FSCN1: variants seen among roughly 807,000 people sequenced by gnomAD.
The protein encoded by FSCN1 is fascin actin-bundling protein 1, also known as fascin.
FSCN1 carries 10 observed loss-of-function variants against 39.7 expected under a neutral mutation model. That is an observed-to-expected ratio of 0.25 (90% CI 0.16 to 0.43). The LOEUF is 0.43. Ranked by LOEUF, FSCN1 falls within the 20% of genes least tolerant of loss-of-function variation. FSCN1 has a pLI of 1.00. For missense variants in FSCN1, 525 were observed against 723.8 expected (o/e 0.73, Z 3.15); for synonymous variants, 322 against 320.0 (o/e 1.01, Z -0.07).
chr7:5,597,375 A>T (rs949658467), intron 1 of FSCN1, among the ~76,000 whole-genome samples: 9 of 151,120 alleles, frequency 6.0e-5, no homozygotes, highest in South Asian at 2.1e-4. Flanking sequence ...TCTTAAAAAA[A>T]TTTTTTTTGG....
At chr7:5,601,338 G>T (rs1302978515) in intron 1 of FSCN1, among the ~76,000 whole-genome samples, 4 of 151,396 alleles carry the variant, frequency 2.6e-5, no homozygotes, top group Admixed American at 2.0e-4. Context: ...AAGTAGCTGG[G>T]ATTACAGGCA....
At chr7:5,596,376 C>G (rs1029348479) in intron 1 of FSCN1, among the ~76,000 whole-genome samples, 3 of 151,940 alleles carry the variant, frequency 2.0e-5, no homozygotes, top group African/African-American at 7.3e-5. Context: ...TCTTCAGCCT[C>G]AGTTTCCCCA....
In FSCN1 at chr7:5,606,330, G is replaced by C. The variant is rs1785932939; in HGVS notation, c.*856G>C. 1.3e-5 allele frequency: 2 copies of C among 152,182 alleles called. No homozygotes were observed. Among genetic ancestry groups the C allele is most frequent in the South Asian group, 4.2e-4 (2 of 4,816 alleles). The allele number at this position is 152,182 out of a possible 1,614,324, so 9.4% of individuals were successfully genotyped here. ...GGGCGTCTCAGCACCCTCCCCAGGGGGTGCATCTCAGCCCCCTCTTTCCGT... is the reference window on the plus strand; with the variant it reads ...GGGCGTCTCAGCACCCTCCCCAGGGCGTGCATCTCAGCCCCCTCTTTCCGT... On this transcript the variant is annotated 3_prime_UTR_variant, in exon 5 of 5. Transcript: ENST00000382361. The surrounding 1 kb of genome is among the most constrained non-coding windows in gnomAD (Gnocchi z 5.1).
At position 5,599,580 on chromosome 7, in the gene FSCN1, G is replaced by A. The variant is rs143728395; in HGVS notation, c.833-3677G>A. On this transcript the variant is annotated intron_variant, in intron 1 of 4. Coordinates refer to ENST00000382361, the MANE Select transcript of FSCN1 (RefSeq NM_003088.4). This position sits in a 1 kb window ranked among gnomAD's most constrained non-coding sequence, Gnocchi z 5.6. ...TAATCCCAGCACTTTGGGAGGCAAA[G>A]GTGGGAGGACTGCTTGAGTCCTGGA... Among the ~76,000 whole-genome samples, 149 of 152,282 alleles carry A rather than the reference G, an allele frequency of 9.8e-4. No homozygotes were observed. Among genetic ancestry groups the A allele is most frequent in the African/African-American group, 3.4e-3 (142 of 41,558 alleles).
chr7:5,605,332 C>A lies in FSCN1; in HGVS notation c.1340C>A (p.Thr447Asn), dbSNP rs754053439. ...SDSAVTSSGDTPVDFFFEFCD... is the reference protein window; with the variant it reads ...SDSAVTSSGDNPVDFFFEFCD... Reference sequence around the variant, plus strand: ...TCCGCGGTCACCAGCAGCGGCGACACTCCTGTGGACTTCTTCTTCGAGTTC... The same window carrying A: ...TCCGCGGTCACCAGCAGCGGCGACAATCCTGTGGACTTCTTCTTCGAGTTC... The change falls in exon 5 of 5, where the codon ACT (threonine) becomes AAT (asparagine). Residue 447 changes from threonine (T) to asparagine (N), a missense_variant. By Grantham distance (65) the Thr-to-Asn change is moderately conservative. Transcript: ENST00000382361. The surrounding 1 kb of genome is among the most constrained non-coding windows in gnomAD (Gnocchi z 6.9). 6.2e-7 allele frequency: 1 copy of A among 1,613,780 alleles called. No homozygotes were observed. Among genetic ancestry groups the A allele is most frequent in the South Asian group, 1.1e-5 (1 of 91,082 alleles).
At chr7:5,601,976 C>T (rs531229643) in intron 1 of FSCN1, among the ~76,000 whole-genome samples, 23 of 144,650 alleles carry the variant, frequency 1.6e-4, no homozygotes, top group Admixed American at 6.3e-4. Context: ...TTTTTTGAGG[C>T]GGAATTTCAT....
rs1191048284 is a variant in FSCN1 at position 5,606,137 on chromosome 7, T to C, written c.*663T>C. The C allele has an allele frequency of 3.3e-5, 5 of 151,952 alleles. No homozygotes were observed. Among genetic ancestry groups the C allele is most frequent in the Non-Finnish European group, 5.9e-5 (4 of 67,980 alleles). The allele number at this position is 151,952 out of a possible 1,614,324, so 9.4% of individuals were successfully genotyped here. A position where few individuals can be genotyped will look rare whatever the true frequency, so the allele number is the denominator to read the frequency against. On this transcript the variant is annotated 3_prime_UTR_variant, in exon 5 of 5. Coordinates refer to ENST00000382361, the MANE Select transcript of FSCN1 (RefSeq NM_003088.4). This position sits in a 1 kb window ranked among gnomAD's most constrained non-coding sequence, Gnocchi z 5.1. ...CCCGCTGCACGTTCTGCCAAGGTGG[T>C]GGTGGCGGGCGGGTAGGGGTGTGGG...
chr7:5,597,438 G>A (rs1235098893), intron 1 of FSCN1, among the ~76,000 whole-genome samples: 2 of 151,782 alleles, frequency 1.3e-5, no homozygotes. Context: ...GTCCAAGGTG[G>A]GTGGATCACC....
rs1452913979 is a variant in FSCN1, at chr7:5,606,129, C to T, written c.*655C>T. The T allele has an allele frequency of 2.0e-5, 3 of 152,178 alleles. No homozygotes were observed. Among genetic ancestry groups the T allele is most frequent in the African/African-American group, 7.2e-5 (3 of 41,522 alleles). 9.4% of individuals were successfully genotyped at this position (152,178 alleles called of 1,614,324 possible). ...AGGGTCTGCCCGCTGCACGTTCTGC[C>T]AAGGTGGTGGTGGCGGGCGGGTAGG... On this transcript the variant is annotated 3_prime_UTR_variant, in exon 5 of 5. Coordinates refer to ENST00000382361, the MANE Select transcript of FSCN1 (RefSeq NM_003088.4). This position sits in a 1 kb window ranked among gnomAD's most constrained non-coding sequence, Gnocchi z 5.1.
chr7:5,600,811 G>A (rs1330320210), intron 1 of FSCN1, among the ~76,000 whole-genome samples: 4 of 150,124 alleles, frequency 2.7e-5, no homozygotes, highest in African/African-American at 7.5e-5. Context: ...CCGCCACCGT[G>A]CCCGGCTAAT....
intron 1 of FSCN1, among the ~76,000 whole-genome samples, chr7:5,600,938 G>A (rs999862719): frequency 3.0e-5 from 4 of 132,572 alleles, no homozygotes; most frequent in African/African-American, 1.2e-4. Context: ...ACAGGCATGA[G>A]CCACCTTGCC....
intron 1 of FSCN1, chr7:5,594,398 CCCT>C (rs1381034190): frequency 2.6e-5 from 4 of 152,530 alleles, no homozygotes; most frequent in Admixed American, 2.6e-4. Flanking sequence ...TCCCCCCAGC[CCCT>C]CCTCCCGCGT....
chr7:5,596,021 G>T (rs918647282), intron 1 of FSCN1, among the ~76,000 whole-genome samples: 1 of 151,846 alleles, frequency 6.6e-6, no homozygotes, highest in African/African-American at 2.4e-5. Flanking sequence ...AAAGGGATGT[G>T]GGACGGCGCG....
Position 5,599,149 on chromosome 7 carries a change from T to C in FSCN1, c.833-4108T>C, listed in dbSNP as rs561181376. ...TGGGACCCAGCCCCTGCTCACCTTA[T>C]CCTCCTCCCGTGCTTGGCTGGGGTG... On this transcript the variant is annotated intron_variant, in intron 1 of 4. Coordinates refer to ENST00000382361, the MANE Select transcript of FSCN1 (RefSeq NM_003088.4). The surrounding 1 kb of genome is among the most constrained non-coding windows in gnomAD (Gnocchi z 5.6). Among the ~76,000 whole-genome samples, 7 of 152,096 alleles carry C rather than the reference T, an allele frequency of 4.6e-5. No individual in the cohort carries two copies. Among genetic ancestry groups the C allele is most frequent in the South Asian group, 2.1e-4 (1 of 4,822 alleles).
rs1785666663 is a variant in FSCN1 at position 5,593,272 on chromosome 7, C to A, written c.336C>A (p.Phe112Leu). The change falls in exon 1 of 5, where the codon TTC becomes TTA. Residue 112 changes from phenylalanine to leucine, a missense_variant. Coordinates refer to ENST00000382361, the MANE Select transcript of FSCN1 (RefSeq NM_003088.4). ...AGTCCGAGGCGCACCGGCGCTACTT[C>A]GGCGGCACCGAGGACCGCCTGTCCT... ...SLQSEAHRRYFGGTEDRLSCF... is the reference protein window; with the variant it reads ...SLQSEAHRRYLGGTEDRLSCF... 3 of 1,609,594 alleles carry A rather than the reference C, an allele frequency of 1.9e-6. No homozygotes were observed. Among genetic ancestry groups the A allele is most frequent in the East Asian group, 2.2e-5 (1 of 44,816 alleles).
chr7:5,602,144 G>C (rs1252132954), intron 1 of FSCN1, among the ~76,000 whole-genome samples: 2 of 151,620 alleles, frequency 1.3e-5, no homozygotes, highest in Non-Finnish European at 2.9e-5. Context: ...GACCTCGGGT[G>C]ATCTGCCTGC....
chr7:5,594,052 C>G (rs565159918), intron 1 of FSCN1: 26 of 414,104 alleles, frequency 6.3e-5, no homozygotes, highest in East Asian at 5.4e-4. Context: ...CTAACCCCCC[C>G]CCCCGCCCAA....
At position 5,605,348 on chromosome 7, in the gene FSCN1, C is replaced by T. The variant is rs1381572216; in HGVS notation, c.1356C>T (p.Phe452=). 2.1e-5 allele frequency: 34 copies of T among 1,613,850 alleles called. No individual in the cohort carries two copies. Among genetic ancestry groups the T allele is most frequent in the Non-Finnish European group, 2.8e-5 (33 of 1,179,764 alleles). ...TSSGDTPVDF[F]FEFCDYNKVA... ...GCGGCGACACTCCTGTGGACTTCTT[C>T]TTCGAGTTCTGCGACTATAACAAGG... Residue 452 remains phenylalanine, a synonymous_variant, in exon 5 of 5, where the codon TTC becomes TTT. Transcript: ENST00000382361. The surrounding 1 kb of genome is among the most constrained non-coding windows in gnomAD (Gnocchi z 6.9).
At chr7:5,594,355 C>T (rs1271049309) in intron 1 of FSCN1, among the ~76,000 whole-genome samples, 2 of 150,864 alleles carry the variant, frequency 1.3e-5, no homozygotes, top group African/African-American at 4.9e-5. Context: ...GGTCGGCCTC[C>T]GCTGGTGGGG....
Sources: gnomAD v4.1 joint callset for allele counts (sites outside exome capture counted in the v4.1 genomes callset) on GRCh38, gnomAD v4.1.1 for gene constraint, Gnocchi (gnomAD v3.1) non-coding constraint, MANE v1.5 for transcripts, NCBI Gene and HGNC (gene_info 2026-07-23, HGNC 2026-07-21) for gene names.